Variants in COQ8A observed in about 807,000 individuals in gnomAD.
The protein encoded by COQ8A is atypical kinase COQ8A, mitochondrial.
A neutral mutation model predicts 65.0 loss-of-function variants in COQ8A; 51 were observed. The observed-to-expected ratio is 0.78, with a 90% CI of 0.63 to 0.99. The LOEUF is 0.99. COQ8A is among the 50% of genes least tolerant of loss of function. COQ8A has a pLI of 0.00. For synonymous variants in COQ8A, 371 were observed against 353.2 expected, an observed-to-expected ratio of 1.05 and a Z score of -0.57; for missense variants, 940 against 875.0, an observed-to-expected ratio of 1.07 and a Z score of -0.94.
At chr1:226,960,390 CAG>C (rs1658132097) in intron 1 of COQ8A, among the ~76,000 whole-genome samples, 2 of 628 alleles carry the variant, frequency 3.2e-3, no homozygotes, top group Non-Finnish European at 3.4e-3. Context: ...TTGGTGGTGT[CAG>C]TGGTGGTACT....
At chr1:226,956,234 TCACAC>T (rs1657744751) in intron 1 of COQ8A, among the ~76,000 whole-genome samples, 1 of 94,260 alleles carries the variant, frequency 1.1e-5, no homozygotes, top group Non-Finnish European at 2.1e-5. Flanking sequence ...ACTCCCTGGT[TCACAC>T]TCTCCCTGGC....
rs143271735 is a variant in COQ8A at position 226,967,934 on chromosome 1, C to T, written c.655+2197C>T. Among the ~76,000 whole-genome samples, 258 of 152,330 alleles carry T rather than the reference C, an allele frequency of 1.7e-3. 1 individual carries two copies. In the East Asian group the frequency reaches 0.018, roughly 11 times the overall value. ...AAAGAGAAGCCAGGTCAGGAAAGAA[C>T]GTGCCGTTCTGGCCCTAGTGGGGAA... On this transcript the variant is annotated intron_variant, in intron 4 of 14. Transcript: ENST00000366777.
intron 1 of COQ8A, among the ~76,000 whole-genome samples, chr1:226,940,817 GTGTC>G (rs901633965): frequency 6.6e-6 from 1 of 152,228 alleles, no homozygotes; most frequent in Non-Finnish European, 1.5e-5. Context: ...CTTGCACTGT[GTGTC>G]TGGGGCTCTA....
Position 226,985,126 on chromosome 1 carries a change from C to T in COQ8A, c.1573-128C>T, listed in dbSNP as rs1177513679. The T allele has an allele frequency of 3.2e-6, 4 of 1,269,090 alleles. No individual in the cohort carries two copies. The African/African-American group carries it at 5.9e-5, about 19-fold the overall frequency. The allele number at this position is 1,269,090 out of a possible 1,614,324, so 78.6% of individuals were successfully genotyped here. A position where few individuals can be genotyped will look rare whatever the true frequency, so the allele number is the denominator to read the frequency against. ...AGCTGCCAGGCGTGGTGTCACAGCACTGGCCGGGGGCCCTGTGCAGGGAGA... is the reference window on the plus strand; with the variant it reads ...AGCTGCCAGGCGTGGTGTCACAGCATTGGCCGGGGGCCCTGTGCAGGGAGA... On this transcript the variant is annotated intron_variant, in intron 13 of 14. Coordinates refer to ENST00000366777, the MANE Select transcript of COQ8A (RefSeq NM_020247.5).
rs377428090 is a variant in COQ8A at position 226,957,530 on chromosome 1, T to C, written c.-9-3847T>C. 2.6e-5 allele frequency among the ~76,000 whole-genome samples: 4 copies of C among 152,172 alleles called. No individual in the cohort carries two copies. The East Asian group carries it at 5.8e-4, about 22-fold the overall frequency. On this transcript the variant is annotated intron_variant, in intron 1 of 14. Transcript: ENST00000366777. Reference sequence around the variant, plus strand: ...CAGTGGCTTGGTAATGCAGATGACGTCCCTGGCCTGCTGTCATAGAGGAGA... The same window carrying C: ...CAGTGGCTTGGTAATGCAGATGACGCCCCTGGCCTGCTGTCATAGAGGAGA...
chr1:226,959,647 G>GC (rs1337707618), intron 1 of COQ8A, among the ~76,000 whole-genome samples: 1 of 152,200 alleles, frequency 6.6e-6, no homozygotes, highest in Non-Finnish European at 1.5e-5. Context: ...ATTGATTTGA[G>GC]AAGAACAGGT....
chr1:226,983,170 C>T (rs1659824618), intron 8 of COQ8A, 136 bp downstream of exon 8: 3 of 1,310,618 alleles, frequency 2.3e-6, no homozygotes, highest in Admixed American at 2.7e-5. Flanking sequence ...GTGGTGTCTT[C>T]TGGCCCCAGT....
At chr1:226,981,949 G>T in intron 5 of COQ8A, 78 bp from the exon 6 acceptor site, 1 of 1,599,366 alleles carries the variant, frequency 6.3e-7, no homozygotes, top group Non-Finnish European at 8.6e-7. Flanking sequence ...CTGAGCCTCC[G>T]TCTGTATCAG....
At chr1:226,943,181 G>C (rs1370573404) in intron 1 of COQ8A, among the ~76,000 whole-genome samples, 1 of 152,168 alleles carries the variant, frequency 6.6e-6, no homozygotes, top group African/African-American at 2.4e-5. Flanking sequence ...GCTATTATTG[G>C]GAAGCTCAAA....
chr1:226,961,980 A>G (rs761129479), intron 2 of COQ8A, among the ~76,000 whole-genome samples: 2 of 152,148 alleles, frequency 1.3e-5, no homozygotes, highest in Non-Finnish European at 2.9e-5. Flanking sequence ...GGAGGGCTTC[A>G]TTCTCATGAC....
chr1:226,986,333 A>C, intron 14 of COQ8A, 120 bp from the exon 15 acceptor site: 2 of 1,145,230 alleles, frequency 1.7e-6, no homozygotes, highest in Non-Finnish European at 2.5e-6. Context: ...ACCATGATGT[A>C]ATCCAGTTTA....
rs777210824 is a variant in COQ8A, at chr1:226,984,953, G to C, written c.1572+12G>C. 1 of 1,614,052 alleles carries C rather than the reference G, an allele frequency of 6.2e-7. No individual in the cohort carries two copies. Among genetic ancestry groups the C allele is most frequent in the Admixed American group, 1.7e-5 (1 of 60,032 alleles). On this transcript the variant is annotated intron_variant, in intron 13 of 14. Transcript: ENST00000366777. ...ACCTCTACATTCAGGTAACTGGAGAGGGGCCCTGGCCTTGGTCCATGTTTT... is the reference window on the plus strand; with the variant it reads ...ACCTCTACATTCAGGTAACTGGAGACGGGCCCTGGCCTTGGTCCATGTTTT...
chr1:226,973,938 C>T (rs1659042918), intron 4 of COQ8A, among the ~76,000 whole-genome samples: 1 of 152,340 alleles, frequency 6.6e-6, no homozygotes, highest in East Asian at 1.9e-4. Context: ...TGTAAACAGG[C>T]CTAGTTTCTG....
rs147402632 is a variant in COQ8A, at chr1:226,979,057, G to A, written c.730+1534G>A. Among the ~76,000 whole-genome samples the A allele has an allele frequency of 4.6e-5, 7 of 152,266 alleles. No individual in the cohort carries two copies. The East Asian group carries it at 5.8e-4, about 13-fold the overall frequency. The stretch of plus-strand genomic sequence containing the variant: ...GGGTCAGGTGTGGCTGGGGACAGGC[G>A]AGGTGTGCAGGCAGACCCTGCAGGC... On this transcript the variant is annotated intron_variant, in intron 5 of 14. Coordinates refer to ENST00000366777, the MANE Select transcript of COQ8A (RefSeq NM_020247.5).
Position 226,987,204 on chromosome 1 carries a change from G to A in COQ8A, c.*467G>A, listed in dbSNP as rs1018265153. On this transcript the variant is annotated 3_prime_UTR_variant, in exon 15 of 15. Transcript: ENST00000366777. ...TCTGCCCTTTTCCTCTCCAGCCGAT[G>A]GGCTGGAGCTGGGAGAGGTGCTGAG... 2.1e-5 allele frequency: 4 copies of A among 191,484 alleles called. No homozygotes were observed. Among genetic ancestry groups the A allele is most frequent in the African/African-American group, 9.5e-5 (4 of 42,178 alleles). The allele number at this position is 191,484 out of a possible 1,614,324, so 11.9% of individuals were successfully genotyped here.
chr1:226,958,647 G>A (rs1235389436), intron 1 of COQ8A, among the ~76,000 whole-genome samples: 2 of 152,138 alleles, frequency 1.3e-5, no homozygotes, highest in Non-Finnish European at 2.9e-5. Flanking sequence ...TTTTATTTTG[G>A]TTTCATGCCT....
At chr1:226,982,582 T>G in intron 6 of COQ8A, 96 bp from the exon 7 acceptor site, 1 of 1,290,460 alleles carries the variant, frequency 7.7e-7, no homozygotes, top group Non-Finnish European at 1.1e-6. Flanking sequence ...GTGGGGAGGG[T>G]GTGGTGGCCA....
rs1657261233 is a variant in COQ8A, at chr1:226,949,734, T to C, written c.-10+9335T>C. 6.6e-6 allele frequency among the ~76,000 whole-genome samples: 1 copy of C among 152,232 alleles called. No homozygotes were observed. Among genetic ancestry groups the C allele is most frequent in the Non-Finnish European group, 1.5e-5 (1 of 68,048 alleles). ...ACCAAGTCTGAACTTCATTCCAGAA[T>C]GTCTGTGTGCTTGCAATACTACTAC... On this transcript the variant is annotated intron_variant, in intron 1 of 14. Transcript: ENST00000366777. This position sits in a 1 kb window ranked among gnomAD's most constrained non-coding sequence, Gnocchi z 4.0.
chr1:226,954,193 T>C (rs1299817356), intron 1 of COQ8A, among the ~76,000 whole-genome samples: 1 of 152,270 alleles, frequency 6.6e-6, no homozygotes, highest in Non-Finnish European at 1.5e-5. Context: ...TCACGGTCTC[T>C]AAGCTCATTC....
Sources: allele counts gnomAD v4.1 joint callset (sites outside exome capture counted in the v4.1 genomes callset), GRCh38; gene constraint gnomAD v4.1.1; non-coding constraint Gnocchi (gnomAD v3.1); transcripts MANE v1.5; gene names NCBI Gene and HGNC (gene_info 2026-07-23, HGNC 2026-07-21).